Variants in SNX2 observed in about 807,000 individuals in gnomAD.
The protein encoded by SNX2 is sorting nexin-2.
A neutral mutation model predicts 69.9 loss-of-function variants in SNX2; 25 were observed. That is an observed-to-expected ratio of 0.36 (90% CI 0.26 to 0.50). The LOEUF (loss-of-function observed/expected upper bound fraction) is 0.50. Among genes scored for constraint, SNX2 ranks in the 20% least tolerant of loss-of-function variants. The probability of loss-of-function intolerance (pLI) is 0.97; values close to 1 mark genes in which losing one functional copy is unlikely to be tolerated. For synonymous variants in SNX2, 229 were observed against 200.4 expected (o/e 1.14, Z -1.20); for missense variants, 551 against 613.3 (o/e 0.90, Z 1.07).
intron 1 of SNX2, among the ~76,000 whole-genome samples, chr5:122,775,919 A>C (rs1400264289): frequency 6.6e-6 from 1 of 152,166 alleles, no homozygotes; most frequent in Non-Finnish European, 1.5e-5. Flanking sequence ...ATAGAAACAG[A>C]TCTCCACTCC....
intron 1 of SNX2, chr5:122,775,449 GA>G: frequency 2.5e-6 from 3 of 1,213,290 alleles, no homozygotes; most frequent in Non-Finnish European, 3.1e-6. Context: ...AGAGGGGCCA[GA>G]ACCGAACCGA....
rs1358252067 is a variant in SNX2 at position 122,801,882 on chromosome 5, C to T, written c.404C>T (p.Ala135Val). The T allele has an allele frequency of 1.9e-6, 3 of 1,594,816 alleles. No individual in the cohort carries two copies. In the African/African-American group the frequency reaches 4.0e-5, roughly 21 times the overall value. The change falls in exon 4 of 15, where the codon GCA (alanine) becomes GTA (valine). Residue 135 changes from alanine to valine, a missense_variant. Transcript: ENST00000379516. ...TATACTTTCTAGATTGAAGAAGAAG[C>T]AAATGGAGACATTTTTGACATAGAA... ...DRSREEIEEE[A>V]NGDIFDIEIG... is the part of the protein sequence containing the mutation.
At chr5:122,811,136 C>T (rs12109791) in intron 7 of SNX2, among the ~76,000 whole-genome samples, 99,179 of 152,062 alleles carry the variant, frequency 0.65, 33,230 homozygotes, top group African/African-American at 0.81. Flanking sequence ...TTATTTTATT[C>T]AATAGTATGA....
rs558418927 is a variant in SNX2, at chr5:122,803,672, G to A, written c.643+59G>A. The A allele has an allele frequency of 3.8e-6, 5 of 1,327,564 alleles. No individual in the cohort carries two copies. The South Asian group carries it at 7.5e-5, about 20-fold the overall frequency. 82.2% of individuals were successfully genotyped at this position (1,327,564 alleles called of 1,614,324 possible). ...TACTGTTACTAGTTCAGTTTTAACT[G>A]TATAGATTTGTGGATTTCTTAGTCA... On this transcript the variant is annotated intron_variant, in intron 6 of 14. Transcript: ENST00000379516.
intron 7 of SNX2, chr5:122,808,681 T>C (rs1753705013): frequency 6.0e-6 from 1 of 165,706 alleles, no homozygotes; most frequent in Admixed American, 6.2e-5. Flanking sequence ...TCATAGGTAG[T>C]CACCAAGAGT....
intron 14 of SNX2, among the ~76,000 whole-genome samples, chr5:122,828,398 T>C (rs1004587585): frequency 6.6e-6 from 1 of 152,198 alleles, no homozygotes; most frequent in Non-Finnish European, 1.5e-5. Flanking sequence ...TATAAGCTTG[T>C]TTTTAAAGGA....
chr5:122,826,216 TCTTTA>T (rs748530927), intron 12 of SNX2, 23 bp downstream of exon 12: 43 of 1,588,470 alleles, frequency 2.7e-5, no homozygotes, highest in African/African-American at 5.4e-5. Flanking sequence ...TGCTTTAATC[TCTTTA>T]CTTAAGTTTT....
intron 6 of SNX2, among the ~76,000 whole-genome samples, chr5:122,804,321 T>C (rs2150009313): frequency 6.6e-6 from 1 of 152,240 alleles, no homozygotes; most frequent in African/African-American, 2.4e-5. Context: ...TAAATTCATC[T>C]TAGTTCATTT....
chr5:122,802,085 T>G lies in SNX2; in HGVS notation c.462T>G (p.Asp154Glu), dbSNP rs1468339874. Residue 154 changes from aspartate (D) to glutamate (E), a missense_variant, in exon 5 of 15, where the codon GAT becomes GAG. Asp to Glu is a conservative substitution (Grantham distance 45). This residue lies in a region of SNX2 where 360 missense variants were observed against 450.4 expected (regional missense o/e 0.80). Transcript: ENST00000379516. Reference protein sequence around the residue: ...IGVSDPEKVGDGMNAYMAYRV... With the variant: ...IGVSDPEKVGEGMNAYMAYRV... Reference sequence around the variant, plus strand: ...AGTGTTTGACTTTTTTTGCAGGTGATGGCATGAATGCCTATATGGCATATA... The same window carrying G: ...AGTGTTTGACTTTTTTTGCAGGTGAGGGCATGAATGCCTATATGGCATATA... 1 of 1,613,546 alleles carries G rather than the reference T, an allele frequency of 6.2e-7. No individual in the cohort carries two copies. The highest frequency in any genetic ancestry group is 1.3e-5 in the African/African-American group (1 of 74,922).
At chr5:122,809,861 A>C (rs1460278646) in intron 7 of SNX2, among the ~76,000 whole-genome samples, 5 of 152,226 alleles carry the variant, frequency 3.3e-5, no homozygotes, top group Admixed American at 2.6e-4. Context: ...AGATGGGATT[A>C]TGTCTGAGAA....
At chr5:122,805,459 T>A (rs1312339867) in intron 6 of SNX2, among the ~76,000 whole-genome samples, 1 of 152,102 alleles carries the variant, frequency 6.6e-6, no homozygotes. Flanking sequence ...TGTTTTTACT[T>A]TTTTAAACAT....
intron 2 of SNX2, 31 bp downstream of exon 2, chr5:122,795,414 G>T: frequency 7.4e-7 from 1 of 1,348,744 alleles, no homozygotes; most frequent in Non-Finnish European, 1.1e-6. Context: ...TTTTAATAAT[G>T]GTCAATTGCA....
intron 11 of SNX2, among the ~76,000 whole-genome samples, chr5:122,819,332 C>G (rs1753965576): frequency 6.6e-6 from 1 of 152,188 alleles, no homozygotes; most frequent in Admixed American, 6.5e-5. Context: ...CTAGCACTAA[C>G]TGAAACTACT....
chr5:122,825,959 T>G, intron 11 of SNX2, 91 bp from the exon 12 acceptor site: 2 of 1,185,340 alleles, frequency 1.7e-6, no homozygotes, highest in South Asian at 2.0e-5. Context: ...AATACTTGGT[T>G]TTATTGTTTT....
chr5:122,826,249 A>G, intron 12 of SNX2, 56 bp downstream of exon 12: 5 of 1,451,612 alleles, frequency 3.4e-6, no homozygotes, highest in Admixed American at 4.7e-5. Context: ...TCATTCATAT[A>G]TACATAATTT....
chr5:122,794,149 A>G (rs1753319294), intron 1 of SNX2, among the ~76,000 whole-genome samples: 1 of 152,038 alleles, frequency 6.6e-6, no homozygotes. Flanking sequence ...TGTCTCTACT[A>G]AAAATACAAA....
At chr5:122,794,034 A>T (rs1753312120) in intron 1 of SNX2, among the ~76,000 whole-genome samples, 1 of 151,788 alleles carries the variant, frequency 6.6e-6, no homozygotes. Context: ...TTAAAGAAGT[A>T]CAAGAGTGGC....
At chr5:122,823,988 T>A (rs1754089548) in intron 11 of SNX2, among the ~76,000 whole-genome samples, 1 of 151,980 alleles carries the variant, frequency 6.6e-6, no homozygotes, top group Non-Finnish European at 1.5e-5. Context: ...GATCATGAGA[T>A]CAGGAGATCG....
intron 1 of SNX2, among the ~76,000 whole-genome samples, chr5:122,785,251 G>T (rs1464111047): frequency 6.6e-6 from 1 of 150,832 alleles, no homozygotes; most frequent in East Asian, 2.0e-4. Context: ...TGCTTGCTTT[G>T]TGTTTAATTT....
Sources: gnomAD v4.1 joint callset for allele counts (sites outside exome capture counted in the v4.1 genomes callset) on GRCh38, gnomAD v4.1.1 for gene constraint, gnomAD v4.1.1 regional missense constraint, MANE v1.5 for transcripts, NCBI Gene and HGNC (gene_info 2026-07-23, HGNC 2026-07-21) for gene names.